ROR1: variants seen among roughly 807,000 people sequenced by gnomAD.
ROR1 encodes inactive tyrosine-protein kinase transmembrane receptor ROR1.
A neutral mutation model predicts 78.8 loss-of-function variants in ROR1; 19 were observed. That is an observed-to-expected ratio of 0.24 (90% CI 0.17 to 0.35). ROR1 has a LOEUF of 0.35. Among genes scored for constraint, ROR1 ranks in the 10% least tolerant of loss-of-function variants. ROR1 has a pLI of 1.00. For missense variants in ROR1, 917 were observed against 1,177.8 expected, an observed-to-expected ratio of 0.78 and a Z score of 3.24; for synonymous variants, 386 against 433.6, an observed-to-expected ratio of 0.89 and a Z score of 1.36.
intron 4 of ROR1, among the ~76,000 whole-genome samples, chr1:64,054,541 T>G (rs1254378354): frequency 6.6e-6 from 1 of 152,198 alleles, no homozygotes; most frequent in Non-Finnish European, 1.5e-5. Flanking sequence ...AAGTGATACT[T>G]AAATTTGGAA....
At chr1:63,917,644 C>T (rs551304769) in intron 1 of ROR1, among the ~76,000 whole-genome samples, 2 of 151,960 alleles carry the variant, frequency 1.3e-5, no homozygotes, top group African/African-American at 4.8e-5. Context: ...TTACTTTATC[C>T]AAAAGGAGTA....
rs1192476605 is a variant in ROR1, at chr1:64,113,630, T to C, written c.483-23739T>C. 1.3e-5 allele frequency: 2 copies of C among 152,010 alleles called. 1 individual carries two copies. Among genetic ancestry groups the C allele is most frequent in the Non-Finnish European group, 2.9e-5 (2 of 68,004 alleles). 9.4% of individuals were successfully genotyped at this position (152,010 alleles called of 1,614,324 possible). A position where few individuals can be genotyped will look rare whatever the true frequency, so the allele number is the denominator to read the frequency against. Reference sequence around the variant, plus strand: ...GAGAACTTTGGGGTGAAAACTCACATTGGGAACAATTACAAGTGTGTCTGA... The same window carrying C: ...GAGAACTTTGGGGTGAAAACTCACACTGGGAACAATTACAAGTGTGTCTGA... On this transcript the variant is annotated intron_variant, in intron 4 of 8. Transcript: ENST00000371079.
chr1:64,140,483 C>A, intron 6 of ROR1, 57 bp downstream of exon 6: 1 of 1,517,512 alleles, frequency 6.6e-7, no homozygotes. Context: ...CCTGTTGGCA[C>A]AGGGAAAACT....
At chr1:63,927,923 C>A (rs975579317) in intron 1 of ROR1, among the ~76,000 whole-genome samples, 8 of 151,832 alleles carry the variant, frequency 5.3e-5, no homozygotes, top group Admixed American at 6.6e-5. Context: ...CTTTGCGATC[C>A]ACTGACAAGT....
chr1:63,913,710 C>T (rs936432483), intron 1 of ROR1, among the ~76,000 whole-genome samples: 3 of 152,188 alleles, frequency 2.0e-5, no homozygotes, highest in African/African-American at 7.2e-5. Flanking sequence ...CATCACCTCC[C>T]TTGCTACGAG....
chr1:64,111,602 G>A (rs1054009949), intron 4 of ROR1, among the ~76,000 whole-genome samples: 10 of 152,266 alleles, frequency 6.6e-5, no homozygotes, highest in South Asian at 6.2e-4. Flanking sequence ...TACATTGTCC[G>A]TGGCTCCACA....
intron 1 of ROR1, among the ~76,000 whole-genome samples, chr1:63,970,140 T>A (rs1030203349): frequency 2.6e-5 from 4 of 152,182 alleles, no homozygotes; most frequent in Admixed American, 2.0e-4. Context: ...AGATATTGAA[T>A]CAGACACTAC....
intron 8 of ROR1, among the ~76,000 whole-genome samples, chr1:64,166,736 G>T (rs559317308): frequency 6.6e-6 from 1 of 152,128 alleles, no homozygotes; most frequent in Non-Finnish European, 1.5e-5. Context: ...GACAGCTCTC[G>T]TATTCCTTGT....
At chr1:64,054,318 T>C (rs1646856857) in intron 4 of ROR1, among the ~76,000 whole-genome samples, 1 of 151,440 alleles carries the variant, frequency 6.6e-6, no homozygotes, top group African/African-American at 2.4e-5. Context: ...GGCTCTGTCA[T>C]CCAGGCTGGA....
chr1:63,978,501 T>G (rs1557592632), intron 1 of ROR1, among the ~76,000 whole-genome samples: 1 of 152,232 alleles, frequency 6.6e-6, no homozygotes. Flanking sequence ...ATTTTGTAGA[T>G]TATTCTGTCT....
intron 8 of ROR1, among the ~76,000 whole-genome samples, chr1:64,163,456 C>T (rs979103526): frequency 2.0e-5 from 3 of 151,940 alleles, no homozygotes; most frequent in Admixed American, 6.6e-5. Flanking sequence ...AGAATGGGGG[C>T]GAGGAAGAGT....
intron 1 of ROR1, chr1:63,843,270 T>A: frequency 6.8e-7 from 1 of 1,473,874 alleles, no homozygotes; most frequent in Non-Finnish European, 9.5e-7. Flanking sequence ...CTTGACCTCC[T>A]TGTAGCAGTT....
At chr1:63,799,326 T>C (rs1220702611) in intron 1 of ROR1, among the ~76,000 whole-genome samples, 1 of 152,252 alleles carries the variant, frequency 6.6e-6, no homozygotes, top group Non-Finnish European at 1.5e-5. Context: ...AAGCTCATCA[T>C]GATCTAGCCA....
intron 4 of ROR1, among the ~76,000 whole-genome samples, chr1:64,072,556 G>A (rs893293185): frequency 1.1e-4 from 17 of 152,180 alleles, no homozygotes; most frequent in African/African-American, 3.9e-4. Flanking sequence ...GTTTACTGGG[G>A]CCAATATAAA....
chr1:64,089,562 A>G, intron 4 of ROR1, among the ~76,000 whole-genome samples: 1 of 152,162 alleles, frequency 6.6e-6, no homozygotes, highest in East Asian at 1.9e-4. Context: ...GTTGAGGGAC[A>G]TTAACTGGGG....
At chr1:64,175,080 A>G (rs1309109621) in intron 8 of ROR1, among the ~76,000 whole-genome samples, 1 of 151,460 alleles carries the variant, frequency 6.6e-6, no homozygotes, top group African/African-American at 2.4e-5. Context: ...TATTTAATTT[A>G]ATATATTCAC....
At position 64,049,873 on chromosome 1, in the gene ROR1, C is replaced by T; in HGVS notation, c.346C>T (p.Leu116=). 2 of 1,614,206 alleles carry T rather than the reference C, an allele frequency of 1.2e-6. No individual in the cohort carries two copies. Among genetic ancestry groups the T allele is most frequent in the South Asian group, 1.1e-5 (1 of 91,078 alleles). Reference sequence around the variant, plus strand: ...TCGGTCCACCATCTATGGCTCTCGGCTGCGGATTAGAAACCTCGACACCAC... The same window carrying T: ...TCGGTCCACCATCTATGGCTCTCGGTTGCGGATTAGAAACCTCGACACCAC... ...SFRSTIYGSR[L]RIRNLDTTDT... is the part of the protein sequence containing the mutation. Residue 116 remains leucine (L), a synonymous_variant, in exon 3 of 9, where the codon CTG becomes TTG. Coordinates refer to ENST00000371079, the MANE Select transcript of ROR1 (RefSeq NM_005012.4).
In ROR1 at chr1:64,136,570, A is replaced by T. The variant is rs564808975; in HGVS notation, c.483-799A>T. On this transcript the variant is annotated intron_variant, in intron 4 of 8. Coordinates refer to ENST00000371079, the MANE Select transcript of ROR1 (RefSeq NM_005012.4). ...GTTGAGCCTGCCATCTTGGGTCTTC[A>T]TCTCCAGCCTTAGATCTCCAGTCCT... Among the ~76,000 whole-genome samples the T allele has an allele frequency of 9.9e-5, 15 of 152,084 alleles. 2 individuals carry two copies. In the East Asian group the frequency reaches 2.9e-3, roughly 29 times the overall value.
At chr1:63,836,359 A>G (rs1645018720) in intron 1 of ROR1, among the ~76,000 whole-genome samples, 1 of 152,240 alleles carries the variant, frequency 6.6e-6, no homozygotes, top group African/African-American at 2.4e-5. Flanking sequence ...TGGAAAAACT[A>G]AATTTACGAA....
Sources: allele counts gnomAD v4.1 joint callset (sites outside exome capture counted in the v4.1 genomes callset), GRCh38; gene constraint gnomAD v4.1.1; transcripts MANE v1.5; gene names NCBI Gene and HGNC (gene_info 2026-07-23, HGNC 2026-07-21).